The following PDLIM1 variants were observed in gnomAD, a reference collection of about 807,000 sequenced individuals.
PDLIM1 encodes the protein PDZ and LIM domain 1, also known as PDZ and LIM domain protein 1.
Under a neutral mutation model 35.2 loss-of-function variants are expected in PDLIM1, and 25 were observed. The observed-to-expected ratio is 0.71, with a 90% CI of 0.52 to 0.99. PDLIM1 has a LOEUF of 0.99. Among genes scored for constraint, PDLIM1 ranks in the 50% least tolerant of loss-of-function variants. The pLI is 0.00. For synonymous variants in PDLIM1, 152 were observed against 154.0 expected, an observed-to-expected ratio of 0.99 and a Z score of 0.10; for missense variants, 363 against 415.3, an observed-to-expected ratio of 0.87 and a Z score of 1.09.
At chr10:95,273,706 C>T (rs2035486789) in intron 1 of PDLIM1, among the ~76,000 whole-genome samples, 1 of 152,176 alleles carries the variant, frequency 6.6e-6, no homozygotes, top group African/African-American at 2.4e-5. Context: ...GTCCCCTCAT[C>T]CAGCCACTGG....
At chr10:95,242,678 C>CAA (rs35965171) in intron 5 of PDLIM1, among the ~76,000 whole-genome samples, 3 of 137,704 alleles carry the variant, frequency 2.2e-5, no homozygotes, top group East Asian at 2.2e-4. Context: ...ACAGAGGTCT[C>CAA]AAAAAAAAAA....
At chr10:95,256,355 A>C (rs2035310543) in intron 4 of PDLIM1, among the ~76,000 whole-genome samples, 1 of 152,204 alleles carries the variant, frequency 6.6e-6, no homozygotes, top group Non-Finnish European at 1.5e-5. Flanking sequence ...TTGTAAAATT[A>C]TATAAAATCT....
chr10:95,263,872 G>GC lies in PDLIM1; in HGVS notation c.524_525insG (p.Asn175LysfsTer21). On this transcript the variant is annotated frameshift_variant, in exon 4 of 7. Coordinates refer to ENST00000329399, the MANE Select transcript of PDLIM1 (RefSeq NM_020992.4). LOFTEE classifies it high-confidence loss of function. The stretch of plus-strand genomic sequence containing the variant: ...ACTCCTGGGCTACTTACGGTCTGCT[G>GC]TTCGCCTCCACCCCGCTGGCAGCAG... 1.9e-6 allele frequency: 3 copies of GC among 1,611,800 alleles called. No individual in the cohort carries two copies. Among genetic ancestry groups the GC allele is most frequent in the Non-Finnish European group, 2.5e-6 (3 of 1,178,800 alleles).
chr10:95,285,861 T>A (rs2035597769), intron 1 of PDLIM1, among the ~76,000 whole-genome samples: 1 of 152,210 alleles, frequency 6.6e-6, no homozygotes, highest in African/African-American at 2.4e-5. Context: ...CCTGGCATAT[T>A]AAAAGTCCTA....
chr10:95,276,920 A>AC (rs1564605463), intron 1 of PDLIM1, among the ~76,000 whole-genome samples: 1 of 150,616 alleles, frequency 6.6e-6, no homozygotes, highest in Non-Finnish European at 1.5e-5. Flanking sequence ...AAAAAAAAAA[A>AC]AAAACTTCTG....
intron 2 of PDLIM1, among the ~76,000 whole-genome samples, chr10:95,269,882 C>G (rs45542737): frequency 0.027 from 4,104 of 152,122 alleles, 162 homozygotes; most frequent in African/African-American, 0.092. Flanking sequence ...ATTACAGGCA[C>G]CTGCCATCAT....
At chr10:95,267,946 T>C (rs555958665) in intron 3 of PDLIM1, among the ~76,000 whole-genome samples, 5 of 152,372 alleles carry the variant, frequency 3.3e-5, no homozygotes, top group Admixed American at 6.5e-5. Context: ...AATTCATTAA[T>C]GTATCCAACA....
chr10:95,284,394 C>A (rs1432388135), intron 1 of PDLIM1, among the ~76,000 whole-genome samples: 1 of 151,928 alleles, frequency 6.6e-6, no homozygotes, highest in Non-Finnish European at 1.5e-5. Flanking sequence ...GCTCTTGTTG[C>A]CCAGGCTGGA....
chr10:95,290,705 T>C lies in PDLIM1; in HGVS notation c.96+115A>G, dbSNP rs2035645952. 5.3e-6 allele frequency: 3 copies of C among 562,098 alleles called. No individual in the cohort carries two copies. Among genetic ancestry groups the C allele is most frequent in the Non-Finnish European group, 8.7e-6 (3 of 345,300 alleles). 34.8% of individuals were successfully genotyped at this position (562,098 alleles called of 1,614,324 possible). On this transcript the variant is annotated intron_variant, in intron 1 of 6. Transcript: ENST00000329399. This position sits in a 1 kb window ranked among gnomAD's most constrained non-coding sequence, Gnocchi z 4.7. Reference sequence around the variant, plus strand: ...GAGAGCGCTCAACTAACAGCGCACCTGGACGCGCCCGGCTGCGGTTCCGAC... The same window carrying C: ...GAGAGCGCTCAACTAACAGCGCACCCGGACGCGCCCGGCTGCGGTTCCGAC...
chr10:95,268,754 C>A (rs773051062), intron 3 of PDLIM1, 24 bp downstream of exon 3: 2 of 1,476,812 alleles, frequency 1.4e-6, no homozygotes, highest in Non-Finnish European at 1.9e-6. Context: ...GTGAGAGCAG[C>A]GGCAACGATG....
At chr10:95,253,347 T>C (rs1244396252) in intron 4 of PDLIM1, among the ~76,000 whole-genome samples, 2 of 152,098 alleles carry the variant, frequency 1.3e-5, no homozygotes, top group Non-Finnish European at 2.9e-5. Flanking sequence ...CATTTATCTC[T>C]AGCAAAGCTA....
In PDLIM1 at chr10:95,244,925, C is replaced by A. The variant is rs189466785; in HGVS notation, c.685+2290G>T. 4.9e-3 allele frequency among the ~76,000 whole-genome samples: 743 copies of A among 152,184 alleles called. 26 individuals are homozygous for A. Among genetic ancestry groups the A allele is most frequent in the East Asian group, 3.7e-3 (19 of 5,174 alleles). On this transcript the variant is annotated intron_variant, in intron 5 of 6. Coordinates refer to ENST00000329399, the MANE Select transcript of PDLIM1 (RefSeq NM_020992.4). ...AAACAAAAACAAAAACAAAAACAAACAGGCATTTGGGTTCCTTCCCCGAAG... is the reference window on the plus strand; with the variant it reads ...AAACAAAAACAAAAACAAAAACAAAAAGGCATTTGGGTTCCTTCCCCGAAG...
Position 95,273,599 on chromosome 10 carries a change from G to A in PDLIM1, c.97-1815C>T, listed in dbSNP as rs143354549. Among the ~76,000 whole-genome samples the A allele has an allele frequency of 2.6e-4, 39 of 152,238 alleles. No homozygotes were observed. The East Asian group carries it at 6.9e-3, about 27-fold the overall frequency. ...ATGTGGAAACCAGTACCGAGATCCT[G>A]ACCTCCTAACCTTCCTTTCTGGCTC... On this transcript the variant is annotated intron_variant, in intron 1 of 6. Transcript: ENST00000329399.
At chr10:95,269,410 A>G (rs1203311660) in intron 2 of PDLIM1, among the ~76,000 whole-genome samples, 1 of 152,040 alleles carries the variant, frequency 6.6e-6, no homozygotes. Context: ...CATCTCCACT[A>G]AAAATACAAA....
At chr10:95,264,341 A>G (rs939188319) in intron 3 of PDLIM1, among the ~76,000 whole-genome samples, 1 of 152,092 alleles carries the variant, frequency 6.6e-6, no homozygotes, top group Non-Finnish European at 1.5e-5. Context: ...CCTCTAAGGC[A>G]CCCTCGGGCA....
At chr10:95,263,677 A>G (rs945213981) in intron 4 of PDLIM1, among the ~76,000 whole-genome samples, 187 bp downstream of exon 4, 1 of 152,228 alleles carries the variant, frequency 6.6e-6, no homozygotes. Context: ...ACTTTTACAG[A>G]CACCCTATAA....
rs1406949312 is a variant in PDLIM1 at position 95,238,577 on chromosome 10, G to C, written c.794C>G (p.Thr265Ser). Residue 265 changes from threonine (T) to serine (S), a missense_variant, in exon 6 of 7, where the codon ACT (threonine) becomes AGT (serine). Physicochemically the swap from Thr to Ser is moderately conservative, Grantham distance 58. Coordinates refer to ENST00000329399, the MANE Select transcript of PDLIM1 (RefSeq NM_020992.4). ...QKLPMCDKCGTGIVGVFVKLR... is the reference protein window; with the variant it reads ...QKLPMCDKCGSGIVGVFVKLR... ...GGAAGCAGATACTCACACAATCCCA[G>C]TGCCACATTTGTCACACATAGGCAA... 7.5e-6 allele frequency: 12 copies of C among 1,600,354 alleles called. No individual in the cohort carries two copies. The African/African-American group carries it at 1.6e-4, about 21-fold the overall frequency.
Position 95,237,982 on chromosome 10 carries a change from G to A in PDLIM1, c.933C>T (p.Ala311=), listed in dbSNP as rs1358391900. The A allele has an allele frequency of 1.9e-6, 3 of 1,614,034 alleles. No homozygotes were observed. Among genetic ancestry groups the A allele is most frequent in the Admixed American group, 1.7e-5 (1 of 60,002 alleles). The change falls in exon 7 of 7, where the codon GCC becomes GCT. Residue 311 remains alanine, a synonymous_variant. Coordinates refer to ENST00000329399, the MANE Select transcript of PDLIM1 (RefSeq NM_020992.4). ...VEDQIYCEKH[A]RERVTPPEGY... ...CCTCAGGTGGTGTGACTCGCTCCCGGGCATGCTTCTCACAGTAGATTTGAT... is the reference window on the plus strand; with the variant it reads ...CCTCAGGTGGTGTGACTCGCTCCCGAGCATGCTTCTCACAGTAGATTTGAT...
rs1362913083 is a variant in PDLIM1, at chr10:95,237,670, A to G, written c.*255T>C. On this transcript the variant is annotated 3_prime_UTR_variant, in exon 7 of 7. Coordinates refer to ENST00000329399, the MANE Select transcript of PDLIM1 (RefSeq NM_020992.4). ...TGGCTGATGTCCAAATGCAGCAGAG[A>G]AGAACGGTGGGGCGAAGGGACACAG... is the stretch of plus-strand genomic sequence containing the variant. The G allele has an allele frequency of 6.3e-6, 3 of 475,002 alleles. No homozygotes were observed. The highest frequency in any genetic ancestry group is 1.1e-5 in the Non-Finnish European group (3 of 264,712). The allele number at this position is 475,002 out of a possible 1,614,324, so 29.4% of individuals were successfully genotyped here.
Sources: allele counts gnomAD v4.1 joint callset (sites outside exome capture counted in the v4.1 genomes callset), GRCh38; gene constraint gnomAD v4.1.1; non-coding constraint Gnocchi (gnomAD v3.1); transcripts MANE v1.5; gene names NCBI Gene and HGNC (gene_info 2026-07-23, HGNC 2026-07-21).